ABR: variants seen among roughly 807,000 people sequenced by gnomAD.
ABR encodes ABR activator of RhoGEF and GTPase.
Under a neutral mutation model 107.2 loss-of-function variants are expected in ABR, and 35 were observed. The ratio of observed to expected loss-of-function variants is 0.33; its 90% CI spans 0.25 to 0.43. The LOEUF (loss-of-function observed/expected upper bound fraction) is 0.43. ABR is among the 20% of genes least tolerant of loss of function. The pLI is 1.00. For missense variants in ABR, 815 were observed against 1,115.2 expected (o/e 0.73, Z 3.83); for synonymous variants, 498 against 462.0 (o/e 1.08, Z -1.00).
intron 21 of ABR, among the ~76,000 whole-genome samples, chr17:1,007,635 T>C (rs539204223): frequency 1.3e-5 from 2 of 152,232 alleles, no homozygotes; most frequent in Admixed American, 1.3e-4. Context: ...GAAAACTCCC[T>C]GGAACAACTC....
chr17:1,052,071 C>CAAA (rs59557673), intron 14 of ABR, among the ~76,000 whole-genome samples: 1 of 132,650 alleles, frequency 7.5e-6, no homozygotes, highest in Non-Finnish European at 1.6e-5. Context: ...GACTCTTTCT[C>CAAA]AAAAAAAAAA....
upstream of ABR, among the ~76,000 whole-genome samples, chr17:1,189,736 A>G (rs1422172075): frequency 1.3e-5 from 2 of 152,108 alleles, no homozygotes; most frequent in East Asian, 3.9e-4. Flanking sequence ...GACCCACCAG[A>G]CCAGGAAGGC....
chr17:1,072,900 GC>G, intron 7 of ABR, 146 bp from the exon 8 acceptor site: 2 of 1,150,378 alleles, frequency 1.7e-6, no homozygotes, highest in Non-Finnish European at 2.4e-6. Flanking sequence ...TCAGAGTCAG[GC>G]CGGGCACGGC....
At chr17:1,122,015 G>C (rs957200943) in intron 2 of ABR, among the ~76,000 whole-genome samples, 2 of 152,130 alleles carry the variant, frequency 1.3e-5, no homozygotes, top group African/African-American at 4.8e-5. Flanking sequence ...TGATTCTCCC[G>C]CCTCAGCCTC....
In ABR at chr17:1,071,990, G is replaced by A. The variant is rs1398545362; in HGVS notation, c.894+624C>T. 7.2e-5 allele frequency among the ~76,000 whole-genome samples: 11 copies of A among 152,178 alleles called. 1 individual carries two copies. In the South Asian group the frequency reaches 1.2e-3, roughly 17 times the overall value. On this transcript the variant is annotated intron_variant, in intron 8 of 22. Transcript: ENST00000302538. The surrounding 1 kb of genome is among the most constrained non-coding windows in gnomAD (Gnocchi z 5.1). ...GCGATCTCGGCTCACTGTAACCTCCGCCTCCTGGGTTCAAGCAATTCTCCT... is the reference window on the plus strand; with the variant it reads ...GCGATCTCGGCTCACTGTAACCTCCACCTCCTGGGTTCAAGCAATTCTCCT...
At chr17:1,033,963 CAT>C (rs928328182) in intron 16 of ABR, among the ~76,000 whole-genome samples, 19 of 144,776 alleles carry the variant, frequency 1.3e-4, no homozygotes, top group Non-Finnish European at 2.4e-4. Flanking sequence ...TGGTCCCACT[CAT>C]GTCATTTTTT....
chr17:1,059,757 T>C (rs775544539), intron 10 of ABR, among the ~76,000 whole-genome samples: 1 of 152,232 alleles, frequency 6.6e-6, no homozygotes, highest in African/African-American at 2.4e-5. Flanking sequence ...CCCAAGGCCA[T>C]CCTCAAGCTC....
intron 2 of ABR, among the ~76,000 whole-genome samples, chr17:1,124,535 T>C (rs1159126148): frequency 6.6e-6 from 1 of 152,260 alleles, no homozygotes; most frequent in African/African-American, 2.4e-5. Context: ...TCAGTCCCTG[T>C]CGCCAGGAAC....
intron 1 of ABR, among the ~76,000 whole-genome samples, chr17:1,175,362 A>T (rs1461929675): frequency 1.3e-5 from 2 of 152,198 alleles, no homozygotes; most frequent in Non-Finnish European, 2.9e-5. Context: ...CAGTGAGCCG[A>T]GATCGCACCG....
chr17:1,041,108 C>T (rs985349155), intron 16 of ABR, among the ~76,000 whole-genome samples: 6 of 152,004 alleles, frequency 3.9e-5, no homozygotes, highest in African/African-American at 7.2e-5. Context: ...TTAGTAGAGA[C>T]GGCGTTTCAC....
chr17:1,075,824 T>C (rs1238405698), intron 6 of ABR, among the ~76,000 whole-genome samples: 1 of 152,122 alleles, frequency 6.6e-6, no homozygotes, highest in African/African-American at 2.4e-5. Flanking sequence ...GGTGGATCAT[T>C]TGAGGTCAGG....
chr17:1,144,588 C>CA (rs60536584), intron 1 of ABR, among the ~76,000 whole-genome samples: 57,417 of 140,782 alleles, frequency 0.41, 11,492 homozygotes, highest in Middle Eastern at 0.53. Flanking sequence ...GTCAATCAGG[C>CA]AAAAAAAAAA....
chr17:1,088,024 A>T (rs1216116586), intron 4 of ABR, among the ~76,000 whole-genome samples: 5 of 152,192 alleles, frequency 3.3e-5, no homozygotes, highest in Non-Finnish European at 5.9e-5. Context: ...AGTAACGAAT[A>T]ATCAAATACC....
At chr17:1,201,590 G>A (rs2042672026) in intron 1 of ABR, among the ~76,000 whole-genome samples, 1 of 152,186 alleles carries the variant, frequency 6.6e-6, no homozygotes, top group Admixed American at 6.5e-5. Context: ...ATTGTGCGTG[G>A]TGTGAAGGTC....
rs1169117921 is a variant in ABR at position 1,210,754 on chromosome 17, C to A, written c.838+18039G>T. 6.6e-6 allele frequency among the ~76,000 whole-genome samples: 1 copy of A among 152,200 alleles called. No individual in the cohort carries two copies. Among genetic ancestry groups the A allele is most frequent in the South Asian group, 2.1e-4 (1 of 4,826 alleles). Reference sequence around the variant, plus strand: ...ACTCCTATCTACTCACACACAAACTCAAAAGGGCTTTTTCCTCCATGCTTT... The same window carrying A: ...ACTCCTATCTACTCACACACAAACTAAAAAGGGCTTTTTCCTCCATGCTTT... On this transcript the variant is annotated intron_variant, in intron 1 of 22. Coordinates refer to the ABR transcript ENST00000574139. The surrounding 1 kb of genome is among the most constrained non-coding windows in gnomAD (Gnocchi z 5.6).
At chr17:1,128,509 C>T (rs998412833) in intron 1 of ABR, among the ~76,000 whole-genome samples, 1 of 152,254 alleles carries the variant, frequency 6.6e-6, no homozygotes, top group Non-Finnish European at 1.5e-5. Context: ...CATATGATTA[C>T]GTTCTAGACA....
At chr17:1,023,823 G>A (rs112306648) in intron 16 of ABR, among the ~76,000 whole-genome samples, 23 of 151,880 alleles carry the variant, frequency 1.5e-4, no homozygotes, top group Non-Finnish European at 3.1e-4. Flanking sequence ...TCAGGAGTTC[G>A]AGACCAGCCT....
intron 1 of ABR, chr17:1,186,763 G>C (rs1169074184): frequency 6.6e-6 from 1 of 152,450 alleles, no homozygotes; most frequent in Non-Finnish European, 1.5e-5. Flanking sequence ...CCGAGGGCTC[G>C]ACAGCAGGGC....
chr17:1,081,608 C>T (rs1011418446), intron 5 of ABR, among the ~76,000 whole-genome samples: 5 of 152,110 alleles, frequency 3.3e-5, no homozygotes, highest in Admixed American at 3.3e-4. Context: ...GACAGGGTCT[C>T]GCTCTGTCAC....
Sources: allele counts gnomAD v4.1 joint callset (sites outside exome capture counted in the v4.1 genomes callset), GRCh38; gene constraint gnomAD v4.1.1; non-coding constraint Gnocchi (gnomAD v3.1); transcripts MANE v1.5; gene names NCBI Gene and HGNC (gene_info 2026-07-23, HGNC 2026-07-21).